Variants in IQCJ observed in about 807,000 individuals in gnomAD.
IQCJ encodes IQ motif containing J.
Under a neutral mutation model 11.0 loss-of-function variants are expected in IQCJ, and 9 were observed. The ratio of observed to expected loss-of-function variants is 0.82; its 90% CI spans 0.49 to 1.43. The LOEUF (loss-of-function observed/expected upper bound fraction) is 1.43, where lower values mean the gene tolerates loss of function less well. IQCJ is among the 40% of genes most tolerant of loss of function. IQCJ has a pLI of 0.00. For missense variants in IQCJ, 146 were observed against 133.2 expected (o/e 1.10, Z -0.47); for synonymous variants, 55 against 51.3 (o/e 1.07, Z -0.31).
chr3:159,224,924 C>A (rs564708911), intron 1 of IQCJ, among the ~76,000 whole-genome samples: 1 of 152,188 alleles, frequency 6.6e-6, no homozygotes, highest in Admixed American at 6.6e-5. Context: ...AAGAGATTAA[C>A]CCATGTATTG....
At chr3:159,071,312 C>T (rs1266317693) in intron 1 of IQCJ, among the ~76,000 whole-genome samples, 1 of 151,860 alleles carries the variant, frequency 6.6e-6, no homozygotes, top group African/African-American at 2.4e-5. Context: ...ATGTTATACT[C>T]ATATATTGTT....
intron 1 of IQCJ, among the ~76,000 whole-genome samples, chr3:159,153,337 G>C (rs527882119): frequency 3.3e-5 from 5 of 152,122 alleles, no homozygotes; most frequent in Non-Finnish European, 7.4e-5. Flanking sequence ...GAAACCCTCT[G>C]TTTCCTCTAT....
intron 1 of IQCJ, among the ~76,000 whole-genome samples, chr3:159,150,167 A>G (rs1401941278): frequency 6.6e-6 from 1 of 152,200 alleles, no homozygotes. Context: ...CAGGGATTTG[A>G]ATGCAAGTAG....
At chr3:159,118,361 G>C (rs1289392648) in intron 1 of IQCJ, among the ~76,000 whole-genome samples, 5 of 152,114 alleles carry the variant, frequency 3.3e-5, no homozygotes, top group Non-Finnish European at 7.4e-5. Context: ...TCTATTGAAG[G>C]CTTTCTGACC....
intron 1 of IQCJ, among the ~76,000 whole-genome samples, chr3:159,084,981 T>A (rs756405979): frequency 3.3e-5 from 5 of 152,080 alleles, no homozygotes; most frequent in Non-Finnish European, 7.4e-5. Context: ...GTTAGTTACA[T>A]ATGTATACAT....
intron 1 of IQCJ, among the ~76,000 whole-genome samples, chr3:159,133,643 G>A (rs1720121502): frequency 6.6e-6 from 1 of 152,162 alleles, no homozygotes; most frequent in South Asian, 2.1e-4. Flanking sequence ...AGGATGACAG[G>A]AGAAGTGGGA....
intron 1 of IQCJ, among the ~76,000 whole-genome samples, chr3:159,135,573 T>G (rs150784710): frequency 2.3e-3 from 356 of 152,348 alleles, no homozygotes; most frequent in African/African-American, 8.3e-3. Flanking sequence ...CTCTGCCATC[T>G]TTAACACATG....
intron 1 of IQCJ, among the ~76,000 whole-genome samples, chr3:159,139,961 A>G (rs1720507883): frequency 6.6e-6 from 1 of 152,200 alleles, no homozygotes; most frequent in Admixed American, 6.5e-5. Context: ...TAAAGTCATT[A>G]AAAGATAGGA....
At chr3:159,253,898 CT>C (rs1323727295) in intron 3 of IQCJ, among the ~76,000 whole-genome samples, 4 of 152,186 alleles carry the variant, frequency 2.6e-5, no homozygotes, top group African/African-American at 9.7e-5. Context: ...ATACATACCC[CT>C]GTAAATCTAT....
At chr3:159,094,982 T>G (rs1717624523) in intron 1 of IQCJ, among the ~76,000 whole-genome samples, 1 of 151,896 alleles carries the variant, frequency 6.6e-6, no homozygotes, top group Non-Finnish European at 1.5e-5. Flanking sequence ...TCTCAGTGTC[T>G]TCCCTGGGAC....
chr3:159,162,515 T>C (rs558947176), intron 1 of IQCJ, among the ~76,000 whole-genome samples: 4 of 152,318 alleles, frequency 2.6e-5, no homozygotes, highest in South Asian at 2.1e-4. Context: ...TAATTGAATA[T>C]CCTTTATTTC....
At chr3:159,207,206 C>T (rs1441540302) in intron 1 of IQCJ, among the ~76,000 whole-genome samples, 1 of 152,204 alleles carries the variant, frequency 6.6e-6, no homozygotes, top group East Asian at 1.9e-4. Flanking sequence ...CACTTAGTGT[C>T]TATTTACAGC....
chr3:159,134,993 C>T (rs1057067494), intron 1 of IQCJ, among the ~76,000 whole-genome samples: 1 of 152,070 alleles, frequency 6.6e-6, no homozygotes, highest in Non-Finnish European at 1.5e-5. Flanking sequence ...AAATGTCAGA[C>T]CTAGAAAATT....
intron 1 of IQCJ, among the ~76,000 whole-genome samples, chr3:159,135,091 G>A (rs1281443854): frequency 6.6e-6 from 1 of 152,170 alleles, no homozygotes; most frequent in Non-Finnish European, 1.5e-5. Context: ...AAGCCAGTTG[G>A]ACTCATGTGC....
chr3:159,172,071 C>T (rs978129592), intron 1 of IQCJ, among the ~76,000 whole-genome samples: 3 of 152,078 alleles, frequency 2.0e-5, no homozygotes, highest in South Asian at 2.1e-4. Flanking sequence ...ACCTTCATGC[C>T]TGTTGATCTA....
chr3:159,161,221 G>C (rs139319675), intron 1 of IQCJ, among the ~76,000 whole-genome samples: 4,390 of 152,180 alleles, frequency 0.029, 204 homozygotes, highest in African/African-American at 0.1. Flanking sequence ...GATTGCCATT[G>C]TAACTGGTGT....
chr3:159,232,071 C>T (rs530338984), intron 1 of IQCJ, among the ~76,000 whole-genome samples: 239 of 152,116 alleles, frequency 1.6e-3, no homozygotes, highest in African/African-American at 5.3e-3. Context: ...TTGATCTTTT[C>T]AAAAAACCAG....
intron 1 of IQCJ, among the ~76,000 whole-genome samples, chr3:159,233,081 T>C (rs372736907): frequency 1.3e-5 from 2 of 152,220 alleles, no homozygotes; most frequent in South Asian, 4.1e-4. Context: ...CTTTTCTTTC[T>C]TTTTTAAAAG....
At chr3:159,149,488 A>C (rs771010535) in intron 1 of IQCJ, among the ~76,000 whole-genome samples, 1 of 152,078 alleles carries the variant, frequency 6.6e-6, no homozygotes. Flanking sequence ...GCTCTTTGGT[A>C]GTTCTGAGTG....
Sources: gnomAD v4.1 joint callset for allele counts (sites outside exome capture counted in the v4.1 genomes callset) on GRCh38, gnomAD v4.1.1 for gene constraint, MANE v1.5 for transcripts, NCBI Gene and HGNC (gene_info 2026-07-23, HGNC 2026-07-21) for gene names.